The following FLT1 variants were observed in gnomAD, a reference collection of about 807,000 sequenced individuals.
FLT1 encodes the protein vascular endothelial growth factor receptor 1.
Under a neutral mutation model 156.3 loss-of-function variants are expected in FLT1, and 49 were observed. The ratio of observed to expected loss-of-function variants is 0.31; its 90% confidence interval spans 0.25 to 0.40. The LOEUF is 0.40. FLT1 is among the 10% of genes least tolerant of loss of function. The probability of loss-of-function intolerance (pLI) is 1.00; values close to 1 mark genes in which losing one functional copy is unlikely to be tolerated. For synonymous variants in FLT1, 594 were observed against 583.8 expected (o/e 1.02, Z -0.25); for missense variants, 1,322 against 1,637.2 (o/e 0.81, Z 3.32).
At chr13:28,467,459 A>T (rs746830193) in intron 2 of FLT1, 62 bp downstream of exon 2, 25 of 1,104,230 alleles carry the variant, frequency 2.3e-5, no homozygotes, top group Non-Finnish European at 2.7e-6. Context: ...TTACTCTGCC[A>T]GGGAATGATT....
intron 3 of FLT1, among the ~76,000 whole-genome samples, chr13:28,463,095 G>A (rs641167): frequency 0.073 from 11,177 of 152,260 alleles, 479 homozygotes; most frequent in South Asian, 0.11. Flanking sequence ...GAAACCATTT[G>A]TTTAAGTGAA....
rs373336887 is a variant in FLT1, at chr13:28,386,327, A to C, written c.1970-1296T>G. On this transcript the variant is annotated intron_variant, in intron 13 of 29. Coordinates refer to ENST00000282397, the MANE Select transcript of FLT1 (RefSeq NM_002019.4). The stretch of plus-strand genomic sequence containing the variant: ...CCCAGGTTAAAATGTATATTATCAC[A>C]TAAATTTTATAACATTGTTGAAGTA... The C allele has an allele frequency of 8.8e-6, 9 of 1,018,532 alleles. No individual in the cohort carries two copies. The African/African-American group carries it at 1.3e-4, about 15-fold the overall frequency. 63.1% of individuals were successfully genotyped at this position (1,018,532 alleles called of 1,614,324 possible).
intron 20 of FLT1, among the ~76,000 whole-genome samples, chr13:28,323,850 G>T (rs937081289): frequency 6.6e-6 from 1 of 152,036 alleles, no homozygotes; most frequent in East Asian, 1.9e-4. Flanking sequence ...CAATTTCTCA[G>T]GTTTCTTTGG....
chr13:28,462,945 C>T lies in FLT1; in HGVS notation c.388+3958G>A, dbSNP rs11147334. On this transcript the variant is annotated intron_variant, in intron 3 of 29. Transcript: ENST00000282397. ...TGAGAATGTGAAGGGAAAACCTGAC[C>T]ACCTTATTCCAGTGCGAGCACTTTC... 4.9e-3 allele frequency among the ~76,000 whole-genome samples: 751 copies of T among 152,228 alleles called. 22 individuals are homozygous for T. Among genetic ancestry groups the T allele is most frequent in the Admixed American group, 0.036 (556 of 15,284 alleles).
intron 11 of FLT1, among the ~76,000 whole-genome samples, chr13:28,404,804 G>A (rs979741357): frequency 9.2e-5 from 14 of 152,114 alleles, no homozygotes; most frequent in African/African-American, 2.9e-4. Context: ...TGGATCACCT[G>A]AGGTCAGGAG....
In FLT1 at chr13:28,470,722, C is replaced by T. The variant is rs181292612; in HGVS notation, c.65-3105G>A. On this transcript the variant is annotated intron_variant, in intron 1 of 29. Transcript: ENST00000282397. ...TACTTATTTTTGAGATGGAGTTTTG[C>T]TCTTGTCGCCCAGGCTGGAGTGCAA... 1.2e-4 allele frequency among the ~76,000 whole-genome samples: 19 copies of T among 152,244 alleles called. No individual in the cohort carries two copies. The East Asian group carries it at 3.5e-3, about 28-fold the overall frequency.
At chr13:28,431,865 A>G (rs1315742400) in intron 6 of FLT1, among the ~76,000 whole-genome samples, 2 of 151,964 alleles carry the variant, frequency 1.3e-5, no homozygotes, top group Non-Finnish European at 1.5e-5. Context: ...GAAGGAAAAT[A>G]TAATGAGTCT....
intron 15 of FLT1, among the ~76,000 whole-genome samples, chr13:28,348,207 G>A (rs1872627183): frequency 6.6e-6 from 1 of 152,130 alleles, no homozygotes; most frequent in South Asian, 2.1e-4. Context: ...CTACCTCATT[G>A]GCCATGGCTC....
At chr13:28,408,717 G>A (rs947499661) in intron 10 of FLT1, among the ~76,000 whole-genome samples, 1 of 152,132 alleles carries the variant, frequency 6.6e-6, no homozygotes, top group Non-Finnish European at 1.5e-5. Context: ...CTGCCAAAGC[G>A]AGATAAGAAA....
At chr13:28,315,559 AAAAC>A (rs1445298310) in intron 25 of FLT1, among the ~76,000 whole-genome samples, 1 of 152,270 alleles carries the variant, frequency 6.6e-6, no homozygotes, top group Non-Finnish European at 1.5e-5. Context: ...CTATCTCAAA[AAAAC>A]AAACAAAAAA....
In FLT1 at chr13:28,360,331, C is replaced by T. The variant is rs140277034; in HGVS notation, c.2117-2646G>A. 2.6e-5 allele frequency among the ~76,000 whole-genome samples: 4 copies of T among 152,300 alleles called. No homozygotes were observed. In the East Asian group the frequency reaches 5.8e-4, roughly 22 times the overall value. The stretch of plus-strand genomic sequence containing the variant: ...GCTATATGATCTAGCAATCCCACTA[C>T]TGGGTATCTACCCAAAGAAATTGAA... On this transcript the variant is annotated intron_variant, in intron 14 of 29. Coordinates refer to ENST00000282397, the MANE Select transcript of FLT1 (RefSeq NM_002019.4).
chr13:28,363,820 C>T (rs918813242), intron 14 of FLT1, among the ~76,000 whole-genome samples: 2 of 152,138 alleles, frequency 1.3e-5, no homozygotes, highest in Non-Finnish European at 2.9e-5. Flanking sequence ...ACCATGTTGG[C>T]TGGTCTTGAA....
intron 3 of FLT1, among the ~76,000 whole-genome samples, chr13:28,440,312 G>C (rs1878265169): frequency 6.6e-6 from 1 of 152,198 alleles, no homozygotes; most frequent in Admixed American, 6.5e-5. Context: ...TTTTACAGAT[G>C]AGAAAAGAGG....
intron 10 of FLT1, among the ~76,000 whole-genome samples, chr13:28,409,653 G>A (rs1476796852): frequency 2.0e-5 from 3 of 152,102 alleles, no homozygotes; most frequent in African/African-American, 7.2e-5. Context: ...CATCTTGACA[G>A]TATTGACTGC....
chr13:28,476,309 T>A (rs1199778351), intron 1 of FLT1, among the ~76,000 whole-genome samples: 1 of 152,208 alleles, frequency 6.6e-6, no homozygotes, highest in Non-Finnish European at 1.5e-5. Context: ...AGGCGGGGAT[T>A]TAGAAATTGA....
chr13:28,316,251 A>T (rs1317373667), intron 25 of FLT1, among the ~76,000 whole-genome samples: 1 of 152,118 alleles, frequency 6.6e-6, no homozygotes, highest in Non-Finnish European at 1.5e-5. Flanking sequence ...CCTTACCCCG[A>T]GATGATGAAG....
chr13:28,475,024 C>A (rs80031810), intron 1 of FLT1, among the ~76,000 whole-genome samples: 1 of 152,194 alleles, frequency 6.6e-6, no homozygotes, highest in Non-Finnish European at 1.5e-5. Flanking sequence ...CAGCTTAAAA[C>A]TTTAGAAGGC....
chr13:28,473,698 A>AAAAGAAAG lies in FLT1; in HGVS notation c.65-6089_65-6082dup, dbSNP rs1351953423. Among the ~76,000 whole-genome samples the AAAAGAAAG allele has an allele frequency of 2.6e-3, 264 of 101,996 alleles. 13 individuals are homozygous for AAAAGAAAG. Among genetic ancestry groups the AAAAGAAAG allele is most frequent in the Non-Finnish European group, 3.7e-3 (172 of 46,974 alleles). 66.9% of individuals were successfully genotyped at this position (101,996 alleles called of 152,430 possible). On this transcript the variant is annotated intron_variant, in intron 1 of 29. Coordinates refer to ENST00000282397, the MANE Select transcript of FLT1 (RefSeq NM_002019.4). ...GAGAGAGAGAGAGAGAGAGAGAAAG[A>AAAAGAAAG]AAAGAAAGAAAGAAAGAAAGAAAGA...
intron 14 of FLT1, among the ~76,000 whole-genome samples, chr13:28,372,563 A>AATATATATATATATATATATAT (rs1565990688): frequency 2.1e-5 from 1 of 46,594 alleles, no homozygotes; most frequent in Non-Finnish European, 4.4e-5. Flanking sequence ...GTTTAAATAA[A>AATATATATATATATATATATAT]ATGTATATAT....
Sources: gnomAD v4.1 joint callset for allele counts (sites outside exome capture counted in the v4.1 genomes callset) on GRCh38, gnomAD v4.1.1 for gene constraint, MANE v1.5 for transcripts, NCBI Gene and HGNC (gene_info 2026-07-23, HGNC 2026-07-21) for gene names.